Variants in CSMD1 observed in about 807,000 individuals in gnomAD.
CSMD1 encodes the protein CUB and Sushi multiple domains 1.
CSMD1 carries 213 observed loss-of-function variants against 417.5 expected under a neutral mutation model. The ratio of observed to expected loss-of-function variants is 0.51; its 90% CI spans 0.46 to 0.57. The LOEUF (loss-of-function observed/expected upper bound fraction) is 0.57. CSMD1 is among the 20% of genes least tolerant of loss of function. CSMD1 has a pLI of 0.00. For synonymous variants in CSMD1, 2,862 were observed against 1,736.8 expected, an observed-to-expected ratio of 1.65 and a Z score of -16.11; for missense variants, 6,923 against 4,529.7, an observed-to-expected ratio of 1.53 and a Z score of -15.17.
chr8:3,860,218 G>C (rs906443087), intron 5 of CSMD1, among the ~76,000 whole-genome samples: 2 of 152,134 alleles, frequency 1.3e-5, no homozygotes, highest in Non-Finnish European at 2.9e-5. Context: ...ACAGCACCAG[G>C]TCGTGTTCTC....
intron 12 of CSMD1, among the ~76,000 whole-genome samples, chr8:3,442,014 G>C (rs1815017750): frequency 6.6e-6 from 1 of 151,478 alleles, no homozygotes; most frequent in Non-Finnish European, 1.5e-5. Context: ...CCTAAGCTAT[G>C]TTTTGTGTGT....
intron 3 of CSMD1, among the ~76,000 whole-genome samples, chr8:4,037,423 T>C (rs746838410): frequency 3.3e-5 from 5 of 152,322 alleles, no homozygotes; most frequent in Non-Finnish European, 7.3e-5. Context: ...ATAAAGAGGA[T>C]GTCTATTTCT....
intron 3 of CSMD1, among the ~76,000 whole-genome samples, chr8:4,108,387 C>G (rs1042504700): frequency 6.6e-6 from 1 of 152,128 alleles, no homozygotes; most frequent in Non-Finnish European, 1.5e-5. Context: ...TCAAGAACTA[C>G]TCTCGACCAT....
intron 4 of CSMD1, among the ~76,000 whole-genome samples, chr8:4,029,685 T>G (rs1797242934): frequency 6.6e-6 from 1 of 152,100 alleles, no homozygotes; most frequent in African/African-American, 2.4e-5. Flanking sequence ...GTCCTCACAT[T>G]TCAAAACCAA....
intron 3 of CSMD1, among the ~76,000 whole-genome samples, chr8:4,295,827 C>T (rs193267891): frequency 6.9e-5 from 10 of 144,432 alleles, no homozygotes; most frequent in African/African-American, 2.0e-4. Context: ...AGTTAATTCT[C>T]CCTTATGCAA....
intron 5 of CSMD1, among the ~76,000 whole-genome samples, chr8:3,819,714 G>A (rs549903455): frequency 2.0e-5 from 3 of 152,166 alleles, no homozygotes; most frequent in Non-Finnish European, 2.9e-5. Context: ...AGCCTCCTGG[G>A]GAACTGGGAC....
intron 1 of CSMD1, among the ~76,000 whole-genome samples, chr8:4,975,780 G>C (rs997485509): frequency 1.3e-5 from 2 of 152,110 alleles, no homozygotes; most frequent in Non-Finnish European, 2.9e-5. Flanking sequence ...ACTATGACCA[G>C]TTGTGGAGGA....
At chr8:4,970,098 A>G (rs1205801562) in intron 1 of CSMD1, among the ~76,000 whole-genome samples, 1 of 152,124 alleles carries the variant, frequency 6.6e-6, no homozygotes, top group Non-Finnish European at 1.5e-5. Context: ...TAAAAATAAT[A>G]TATAAAGTAA....
At chr8:4,922,260 A>C (rs139712955) in intron 1 of CSMD1, among the ~76,000 whole-genome samples, 2 of 152,250 alleles carry the variant, frequency 1.3e-5, no homozygotes, top group East Asian at 3.9e-4. Flanking sequence ...TGATACGTAC[A>C]CTGAATGTGT....
chr8:3,173,320 T>C (rs1482845666), intron 37 of CSMD1, among the ~76,000 whole-genome samples: 1 of 152,226 alleles, frequency 6.6e-6, no homozygotes, highest in Non-Finnish European at 1.5e-5. Flanking sequence ...TCTGGAATTC[T>C]CTGTGATGTA....
intron 68 of CSMD1, among the ~76,000 whole-genome samples, chr8:2,947,409 A>C (rs1007182820): frequency 2.6e-5 from 4 of 152,214 alleles, no homozygotes; most frequent in African/African-American, 9.6e-5. Flanking sequence ...AATTACGTAA[A>C]CACAAACTTT....
At chr8:3,175,475 C>CTG (rs1563111503) in intron 37 of CSMD1, among the ~76,000 whole-genome samples, 49 of 132,566 alleles carry the variant, frequency 3.7e-4, no homozygotes, top group African/African-American at 5.8e-4. Context: ...TCCTTCTTTT[C>CTG]CCTTCCTTCC....
chr8:3,708,522 G>T lies in CSMD1; in HGVS notation c.932-31C>A, dbSNP rs757251425. The T allele has an allele frequency of 1.1e-5, 18 of 1,587,780 alleles. No homozygotes were observed. In the African/African-American group the frequency reaches 1.5e-4, roughly 13 times the overall value. On this transcript the variant is annotated intron_variant, in intron 6 of 69. Coordinates refer to ENST00000635120, the MANE Select transcript of CSMD1 (RefSeq NM_033225.6). ...AGAAACAAAACCAAGCCATTAGCAG[G>T]TAAGACTTGGAGATCATAAAACCAT...
chr8:4,851,178 T>A (rs140402565), intron 1 of CSMD1, among the ~76,000 whole-genome samples: 1 of 146,396 alleles, frequency 6.8e-6, no homozygotes, highest in East Asian at 2.1e-4. Context: ...TTCCCACCTA[T>A]GAGTGAAAAT....
At chr8:3,259,250 A>G (rs914005464) in intron 26 of CSMD1, among the ~76,000 whole-genome samples, 13 of 152,252 alleles carry the variant, frequency 8.5e-5, no homozygotes, top group Admixed American at 8.5e-4. Flanking sequence ...TAACCTGATT[A>G]CAGAATGGAA....
intron 5 of CSMD1, among the ~76,000 whole-genome samples, chr8:3,921,049 G>C (rs549223741): frequency 1.3e-5 from 2 of 152,202 alleles, no homozygotes; most frequent in South Asian, 2.1e-4. Flanking sequence ...CGTTGGTTTA[G>C]TGTTTCTTTA....
intron 3 of CSMD1, among the ~76,000 whole-genome samples, chr8:4,299,078 TATG>T (rs1270080676): frequency 2.0e-5 from 3 of 152,160 alleles, no homozygotes; most frequent in South Asian, 2.1e-4. Flanking sequence ...ATTTCTTACT[TATG>T]ATAATATAAG....
chr8:3,726,125 C>A (rs188785935), intron 6 of CSMD1, among the ~76,000 whole-genome samples: 20 of 152,052 alleles, frequency 1.3e-4, no homozygotes, highest in Non-Finnish European at 2.9e-4. Flanking sequence ...GACCTGAGGT[C>A]CCTGCCAACA....
At chr8:4,561,104 G>C (rs533920513) in intron 2 of CSMD1, among the ~76,000 whole-genome samples, 2 of 152,282 alleles carry the variant, frequency 1.3e-5, no homozygotes, top group East Asian at 3.9e-4. Flanking sequence ...AGGTGCAGTG[G>C]CTCACATCTG....
Sources: allele counts gnomAD v4.1 joint callset (sites outside exome capture counted in the v4.1 genomes callset), GRCh38; gene constraint gnomAD v4.1.1; transcripts MANE v1.5; gene names NCBI Gene and HGNC (gene_info 2026-07-23, HGNC 2026-07-21).